The following IMMP2L variants were observed in gnomAD, a reference collection of about 807,000 sequenced individuals.
The protein encoded by IMMP2L is inner mitochondrial membrane peptidase subunit 2, also known as mitochondrial inner membrane protease subunit 2.
IMMP2L carries 18 observed loss-of-function variants against 19.3 expected under a neutral mutation model. The observed-to-expected ratio is 0.93, with a 90% CI of 0.64 to 1.38. The LOEUF (loss-of-function observed/expected upper bound fraction) is 1.38, where lower values mean the gene tolerates loss of function less well. Among genes scored for constraint, IMMP2L ranks in the 40% most tolerant of loss-of-function variants. IMMP2L has a pLI of 0.00. For synonymous variants in IMMP2L, 76 were observed against 73.0 expected, an observed-to-expected ratio of 1.04 and a Z score of -0.21; for missense variants, 233 against 218.2, an observed-to-expected ratio of 1.07 and a Z score of -0.43.
At chr7:111,069,613 CAT>C (rs1488889510) in intron 3 of IMMP2L, among the ~76,000 whole-genome samples, 1 of 152,034 alleles carries the variant, frequency 6.6e-6, no homozygotes, top group Admixed American at 6.6e-5. Context: ...ATTCCAAACA[CAT>C]AGATATACAT....
At chr7:110,825,488 G>T (rs1297342966) in intron 5 of IMMP2L, among the ~76,000 whole-genome samples, 5 of 152,006 alleles carry the variant, frequency 3.3e-5, no homozygotes, top group Non-Finnish European at 7.4e-5. Flanking sequence ...CCAAAACAGA[G>T]ATATAGATCA....
chr7:110,781,519 T>C (rs1323669248), intron 5 of IMMP2L, among the ~76,000 whole-genome samples: 2 of 151,900 alleles, frequency 1.3e-5, no homozygotes, highest in Admixed American at 1.3e-4. Context: ...TCATCAAATA[T>C]CTACTCAATA....
At chr7:111,177,522 C>T (rs1807211969) in intron 3 of IMMP2L, among the ~76,000 whole-genome samples, 1 of 151,986 alleles carries the variant, frequency 6.6e-6, no homozygotes, top group South Asian at 2.1e-4. Flanking sequence ...CTTTGACCTT[C>T]TCTCTTATAA....
At chr7:110,805,205 T>C (rs982916023) in intron 5 of IMMP2L, among the ~76,000 whole-genome samples, 1 of 152,102 alleles carries the variant, frequency 6.6e-6, no homozygotes, top group African/African-American at 2.4e-5. Flanking sequence ...ATTACTGATA[T>C]AACATAAATT....
At chr7:110,901,042 T>C (rs1200731358) in intron 4 of IMMP2L, among the ~76,000 whole-genome samples, 1 of 151,970 alleles carries the variant, frequency 6.6e-6, no homozygotes, top group Non-Finnish European at 1.5e-5. Flanking sequence ...TCTTCAGACT[T>C]ATTTTCTAAC....
chr7:111,242,921 A>C (rs370401583), intron 3 of IMMP2L, among the ~76,000 whole-genome samples: 2 of 152,224 alleles, frequency 1.3e-5, no homozygotes, highest in South Asian at 2.1e-4. Flanking sequence ...ATTGTTCTCT[A>C]ACTCACTGGT....
intron 4 of IMMP2L, among the ~76,000 whole-genome samples, chr7:110,952,691 C>T (rs1423843082): frequency 6.6e-6 from 1 of 152,130 alleles, no homozygotes; most frequent in Non-Finnish European, 1.5e-5. Flanking sequence ...AGTCATCCTG[C>T]TAGGCTCTGT....
chr7:110,841,605 C>T (rs530987189), intron 5 of IMMP2L, among the ~76,000 whole-genome samples: 130 of 152,216 alleles, frequency 8.5e-4, no homozygotes, highest in African/African-American at 3.0e-3. Context: ...ATATGTCATT[C>T]ACACTGCATT....
rs1041085083 is a variant in IMMP2L at position 111,236,379 on chromosome 7, C to A, written c.239+250859G>T. On this transcript the variant is annotated intron_variant, in intron 3 of 5. Coordinates refer to ENST00000405709, the MANE Select transcript of IMMP2L (RefSeq NM_032549.4). ...TTTAAACTTTGTTAGGCAAAACTGGCACAGCCTTTAATCTAGGGGTGAATA... is the reference window on the plus strand; with the variant it reads ...TTTAAACTTTGTTAGGCAAAACTGGAACAGCCTTTAATCTAGGGGTGAATA... Among the ~76,000 whole-genome samples the A allele has an allele frequency of 3.7e-4, 56 of 152,122 alleles. 2 individuals carry two copies. Among genetic ancestry groups the A allele is most frequent in the South Asian group, 2.1e-4 (1 of 4,828 alleles).
intron 5 of IMMP2L, among the ~76,000 whole-genome samples, chr7:110,707,063 G>C (rs1794751000): frequency 1.0e-5 from 1 of 98,974 alleles, no homozygotes; most frequent in Non-Finnish European, 2.0e-5. Flanking sequence ...GTGCAGGTTA[G>C]TTACGTATGT....
chr7:110,713,374 G>C (rs921401132), intron 5 of IMMP2L, among the ~76,000 whole-genome samples: 3 of 152,116 alleles, frequency 2.0e-5, no homozygotes, highest in African/African-American at 7.2e-5. Flanking sequence ...TACAGCTTGG[G>C]ATTGTTTTGG....
At chr7:111,464,993 C>T (rs1224601880) in intron 3 of IMMP2L, among the ~76,000 whole-genome samples, 4 of 152,072 alleles carry the variant, frequency 2.6e-5, no homozygotes, top group African/African-American at 7.2e-5. Context: ...AAGGTTTCAC[C>T]GTGTTAGCCA....
At chr7:110,985,458 C>G (rs2129558695) in intron 3 of IMMP2L, among the ~76,000 whole-genome samples, 1 of 152,122 alleles carries the variant, frequency 6.6e-6, no homozygotes. Context: ...TTGAAAAGTT[C>G]TTAAAAAATA....
In IMMP2L at chr7:111,451,613, G is replaced by C. The variant is rs532983815; in HGVS notation, c.239+35625C>G. On this transcript the variant is annotated intron_variant, in intron 3 of 5. Transcript: ENST00000405709. Reference sequence around the variant, plus strand: ...GCATTGGGAGATATACCTAATGCTAGATGACGAGTTAGGGGGTGCAGCGCA... The same window carrying C: ...GCATTGGGAGATATACCTAATGCTACATGACGAGTTAGGGGGTGCAGCGCA... Among the ~76,000 whole-genome samples the C allele has an allele frequency of 2.1e-3, 320 of 149,640 alleles. 2 individuals are homozygous for C. Among genetic ancestry groups the C allele is most frequent in the Non-Finnish European group, 4.1e-3 (278 of 67,424 alleles).
At chr7:111,009,319 T>C (rs1448310244) in intron 3 of IMMP2L, among the ~76,000 whole-genome samples, 2 of 152,132 alleles carry the variant, frequency 1.3e-5, no homozygotes, top group Admixed American at 6.6e-5. Flanking sequence ...CTCAACACTA[T>C]ATTAGTAAGC....
chr7:110,768,002 A>C (rs759383028), intron 5 of IMMP2L, among the ~76,000 whole-genome samples: 1 of 152,228 alleles, frequency 6.6e-6, no homozygotes, highest in Non-Finnish European at 1.5e-5. Flanking sequence ...GCAGTAAACT[A>C]GTGTGCAAAA....
chr7:111,362,680 T>A (rs764352858), intron 3 of IMMP2L, among the ~76,000 whole-genome samples: 5 of 152,150 alleles, frequency 3.3e-5, no homozygotes, highest in Admixed American at 6.6e-5. Flanking sequence ...AGAAACCATA[T>A]GAGTTGCAAA....
intron 3 of IMMP2L, among the ~76,000 whole-genome samples, chr7:111,394,303 C>A (rs1349042128): frequency 6.6e-6 from 1 of 152,114 alleles, no homozygotes; most frequent in Non-Finnish European, 1.5e-5. Context: ...CTATGTAAAG[C>A]ATTTAGCATT....
At chr7:111,447,211 A>G (rs1285742867) in intron 3 of IMMP2L, among the ~76,000 whole-genome samples, 2 of 144,184 alleles carry the variant, frequency 1.4e-5, no homozygotes, top group Non-Finnish European at 3.0e-5. Context: ...AGAGAACGCC[A>G]CAAAGATACT....
Sources: gnomAD v4.1 joint callset for allele counts (sites outside exome capture counted in the v4.1 genomes callset) on GRCh38, gnomAD v4.1.1 for gene constraint, MANE v1.5 for transcripts, NCBI Gene and HGNC (gene_info 2026-07-23, HGNC 2026-07-21) for gene names.